The following CCDC146 variants were observed in gnomAD, a reference collection of about 807,000 sequenced individuals.
The protein encoded by CCDC146 is coiled-coil domain containing 146.
CCDC146 carries 92 observed loss-of-function variants against 119.3 expected under a neutral mutation model. That is an observed-to-expected ratio of 0.77 (90% CI 0.65 to 0.92). The LOEUF is 0.92. Among genes scored for constraint, CCDC146 ranks in the 40% least tolerant of loss-of-function variants. The pLI is 0.00. For missense variants in CCDC146, 1,000 were observed against 1,103.0 expected (o/e 0.91, Z 1.32); for synonymous variants, 372 against 371.8 (o/e 1.00, Z -0.01).
intron 2 of CCDC146, chr7:77,198,833 G>T: frequency 3.3e-6 from 1 of 302,834 alleles, no homozygotes. Flanking sequence ...TGTGAACATC[G>T]CCTTATCTTT....
rs1182221291 is a variant in CCDC146, at chr7:77,135,074, T to C, written c.-12+12342T>C. Among the ~76,000 whole-genome samples the C allele has an allele frequency of 3.9e-5, 6 of 152,394 alleles. No individual in the cohort carries two copies. The East Asian group carries it at 1.2e-3, about 29-fold the overall frequency. ...AACTCATCACAACTACAACCACCAT[T>C]GCTCACTGGTTCACCAAAAATTGAG... On this transcript the variant is annotated intron_variant, in intron 1 of 18. Transcript: ENST00000285871.
rs137934331 is a variant in CCDC146, at chr7:77,242,174, C to T, written c.449+274C>T. ...AGCTGCAGTCAGAGAACACACTCCA[C>T]CAAACCAGTTATTAGCATTCCCTTG... is the stretch of plus-strand genomic sequence containing the variant. On this transcript the variant is annotated intron_variant, in intron 4 of 18. Transcript: ENST00000285871. 2.5e-3 allele frequency among the ~76,000 whole-genome samples: 375 copies of T among 152,310 alleles called. 4 individuals carry two copies. Among genetic ancestry groups the T allele is most frequent in the African/African-American group, 8.4e-3 (350 of 41,566 alleles).
chr7:77,145,712 A>G (rs1791007002), intron 1 of CCDC146, among the ~76,000 whole-genome samples: 1 of 152,078 alleles, frequency 6.6e-6, no homozygotes, highest in Non-Finnish European at 1.5e-5. Flanking sequence ...TTCAGTTTCC[A>G]TGTAGTTGAG....
chr7:77,200,507 G>A (rs1791967733), intron 2 of CCDC146, among the ~76,000 whole-genome samples: 1 of 152,228 alleles, frequency 6.6e-6, no homozygotes. Flanking sequence ...ATCAAAACCA[G>A]TAGCTGCCTC....
chr7:77,223,513 C>G (rs180725080), intron 2 of CCDC146, among the ~76,000 whole-genome samples: 1 of 152,308 alleles, frequency 6.6e-6, no homozygotes, highest in Non-Finnish European at 1.5e-5. Context: ...ATCCTGTGAA[C>G]CTTGCCAACC....
chr7:77,168,600 AG>A (rs1486192590), intron 2 of CCDC146, among the ~76,000 whole-genome samples: 2 of 152,148 alleles, frequency 1.3e-5, no homozygotes, highest in Admixed American at 1.3e-4. Flanking sequence ...GCAATAAAAA[AG>A]TAATTTTAAA....
chr7:77,290,061 C>CA (rs200424150), intron 17 of CCDC146, among the ~76,000 whole-genome samples: 4 of 139,092 alleles, frequency 2.9e-5, no homozygotes, highest in South Asian at 2.4e-4. Flanking sequence ...ACTATGCAGC[C>CA]AAAAAAAGGA....
At chr7:77,208,277 A>C (rs1054883820) in intron 2 of CCDC146, among the ~76,000 whole-genome samples, 1 of 152,204 alleles carries the variant, frequency 6.6e-6, no homozygotes, top group Admixed American at 6.5e-5. Context: ...TGACAGGAAT[A>C]CGTTCTGAGA....
Position 77,260,208 on chromosome 7 carries a change from G to A in CCDC146, c.958G>A (p.Glu320Lys), listed in dbSNP as rs1793266476. 2 of 1,613,214 alleles carry A rather than the reference G, an allele frequency of 1.2e-6. No individual in the cohort carries two copies. Among genetic ancestry groups the A allele is most frequent in the Admixed American group, 1.7e-5 (1 of 59,910 alleles). Residue 320 changes from glutamate to lysine, a missense_variant, in exon 8 of 19, where the codon GAG becomes AAG. Glu to Lys is a moderately conservative substitution (Grantham distance 56, BLOSUM62 1). This residue lies in a region of CCDC146 where 985 missense variants were observed against 1,045.3 expected (regional missense o/e 0.94). Transcript: ENST00000285871. ...QLVKLLELAR[E>K]NEATSLTERG... is the part of the protein sequence containing the mutation. Reference sequence around the variant, plus strand: ...GGTCAAGCTATTGGAATTAGCCAGAGAGAATGAAGCAACTTCATTAACTGA... The same window carrying A: ...GGTCAAGCTATTGGAATTAGCCAGAAAGAATGAAGCAACTTCATTAACTGA...
At chr7:77,244,790 C>G (rs980795578) in intron 4 of CCDC146, among the ~76,000 whole-genome samples, 2 of 87,578 alleles carry the variant, frequency 2.3e-5, no homozygotes, top group Admixed American at 1.4e-4. Context: ...CCTCCACACC[C>G]TCCCACTGAC....
chr7:77,256,257 T>A, intron 5 of CCDC146, 76 bp from the exon 6 acceptor site: 1 of 1,004,556 alleles, frequency 1.0e-6, no homozygotes, highest in South Asian at 1.8e-5. Flanking sequence ...TGGGTGAAAT[T>A]AGTTTTAGTT....
intron 6 of CCDC146, among the ~76,000 whole-genome samples, chr7:77,257,419 A>G (rs560875989): frequency 3.3e-5 from 5 of 152,140 alleles, no homozygotes; most frequent in Non-Finnish European, 7.4e-5. Flanking sequence ...CTGTTTTTCT[A>G]TAACAGTCCT....
chr7:77,124,404 A>G (rs1287511985), intron 1 of CCDC146, among the ~76,000 whole-genome samples: 1 of 152,228 alleles, frequency 6.6e-6, no homozygotes, highest in Non-Finnish European at 1.5e-5. Flanking sequence ...TTCCATCCAT[A>G]TGACATTATA....
chr7:77,282,327 C>T, intron 14 of CCDC146: 1 of 433,342 alleles, frequency 2.3e-6, no homozygotes. Flanking sequence ...TTGTGGCTAG[C>T]CAACCACATG....
chr7:77,227,532 C>T (rs1792537912), intron 2 of CCDC146, among the ~76,000 whole-genome samples: 1 of 152,150 alleles, frequency 6.6e-6, no homozygotes, highest in African/African-American at 2.4e-5. Flanking sequence ...GTCTCGATCT[C>T]CTGACCTCGT....
At chr7:77,192,156 G>A (rs761276557) in intron 2 of CCDC146, among the ~76,000 whole-genome samples, 8 of 151,856 alleles carry the variant, frequency 5.3e-5, no homozygotes, top group South Asian at 2.1e-4. Context: ...CACGTGATCC[G>A]CCCACCTCGG....
intron 13 of CCDC146, 86 bp from the exon 14 acceptor site, chr7:77,280,343 T>C (rs907637658): frequency 8.8e-6 from 9 of 1,019,328 alleles, no homozygotes; most frequent in Non-Finnish European, 1.3e-5. Flanking sequence ...TCTGCTTTGA[T>C]AGTGCTTGTG....
intron 4 of CCDC146, chr7:77,242,528 C>T (rs1418354148): frequency 3.6e-6 from 1 of 277,134 alleles, no homozygotes; most frequent in Non-Finnish European, 5.5e-6. Flanking sequence ...GAAATGTTAT[C>T]TTCAAAATCT....
In CCDC146 at chr7:77,196,202, C is replaced by G. The variant is rs900063718; in HGVS notation, c.156+28378C>G. 3.9e-6 allele frequency: 4 copies of G among 1,026,826 alleles called. No individual in the cohort carries two copies. The African/African-American group carries it at 6.4e-5, about 16-fold the overall frequency. 63.6% of individuals were successfully genotyped at this position (1,026,826 alleles called of 1,614,324 possible). On this transcript the variant is annotated intron_variant, in intron 2 of 18. Coordinates refer to ENST00000285871, the MANE Select transcript of CCDC146 (RefSeq NM_020879.3). The surrounding 1 kb of genome is among the most constrained non-coding windows in gnomAD (Gnocchi z 4.2). The stretch of plus-strand genomic sequence containing the variant: ...TTTTTTAGCTATGAAAAATATGAAA[C>G]AAGGCATATTCTAAAGTGCTGAAGG...
Sources: gnomAD v4.1 joint callset for allele counts (sites outside exome capture counted in the v4.1 genomes callset) on GRCh38, gnomAD v4.1.1 for gene constraint, gnomAD v4.1.1 regional missense constraint, Gnocchi (gnomAD v3.1) non-coding constraint, MANE v1.5 for transcripts, NCBI Gene and HGNC (gene_info 2026-07-23, HGNC 2026-07-21) for gene names.